The following TCF4 variants were observed in gnomAD, a reference collection of about 807,000 sequenced individuals.
The protein encoded by TCF4 is SL3-3 enhancer factor 2.
A neutral mutation model predicts 82.1 loss-of-function variants in TCF4; 3 were observed. The ratio of observed to expected loss-of-function variants is 0.04; its 90% confidence interval spans 0.02 to 0.09. The LOEUF is 0.09. Among genes scored for constraint, TCF4 ranks in the 10% least tolerant of loss-of-function variants. The probability of loss-of-function intolerance (pLI) is 1.00; values close to 1 mark genes in which losing one functional copy is unlikely to be tolerated. For synonymous variants in TCF4, 276 were observed against 309.6 expected, an observed-to-expected ratio of 0.89 and a Z score of 1.14; for missense variants, 518 against 852.7, an observed-to-expected ratio of 0.61 and a Z score of 4.89.
At chr18:55,358,379 T>C (rs2084143972) in intron 6 of TCF4, among the ~76,000 whole-genome samples, 1 of 152,130 alleles carries the variant, frequency 6.6e-6, no homozygotes, top group Admixed American at 6.5e-5. Flanking sequence ...AGGAGGAGGA[T>C]GGGTGGATGT....
chr18:55,375,423 C>G (rs187208900), intron 6 of TCF4, among the ~76,000 whole-genome samples: 72 of 152,086 alleles, frequency 4.7e-4, no homozygotes, highest in Middle Eastern at 3.4e-3. Flanking sequence ...CTACTAGATG[C>G]CTACAGAAAA....
rs41339445 is a variant in TCF4 at position 55,229,399 on chromosome 18, G to T, written c.1650-323C>A. 42,482 of 389,078 alleles carry T rather than the reference G, an allele frequency of 0.11. 2,546 individuals carry two copies. Among genetic ancestry groups the T allele is most frequent in the South Asian group, 0.13 (5,566 of 43,430 alleles). The allele number at this position is 389,078 out of a possible 1,614,324, so 24.1% of individuals were successfully genotyped here. On this transcript the variant is annotated intron_variant, in intron 17 of 19. Transcript: ENST00000354452. ...AACAAAGCTTTTTTTATTCAATGGG[G>T]TTACACTCTGCAAAGCAGGCATTCA...
At chr18:55,510,910 G>C (rs1317001101) in intron 3 of TCF4, 3 of 427,854 alleles carry the variant, frequency 7.0e-6, no homozygotes, top group Middle Eastern at 9.4e-4. Context: ...GAATCAACAA[G>C]ATCTCTGCCA....
intron 3 of TCF4, among the ~76,000 whole-genome samples, chr18:55,525,122 G>C (rs1213468579): frequency 6.6e-6 from 1 of 150,622 alleles, no homozygotes; most frequent in African/African-American, 2.4e-5. Flanking sequence ...TTCCTATAAA[G>C]CTAGCTTTCT....
At chr18:55,592,627 G>A (rs572734853), upstream of TCF4, among the ~76,000 whole-genome samples, 92 of 152,278 alleles carry the variant, frequency 6.0e-4, no homozygotes, top group African/African-American at 2.1e-3. Flanking sequence ...TGATGGGGGT[G>A]CCACATGACT....
chr18:55,329,105 T>C (rs1323157538), intron 8 of TCF4, among the ~76,000 whole-genome samples: 1 of 152,184 alleles, frequency 6.6e-6, no homozygotes, highest in Non-Finnish European at 1.5e-5. Flanking sequence ...AAAATGCAAG[T>C]GAATGACCAT....
At chr18:55,620,514 A>T (rs974654160) in intron 2 of TCF4, among the ~76,000 whole-genome samples, 4 of 152,078 alleles carry the variant, frequency 2.6e-5, no homozygotes, top group African/African-American at 4.8e-5. Flanking sequence ...GTTTCATTAC[A>T]TGTGTTCCTC....
chr18:55,557,585 G>C (rs2097315801), intron 3 of TCF4, among the ~76,000 whole-genome samples: 1 of 151,980 alleles, frequency 6.6e-6, no homozygotes, highest in African/African-American at 2.4e-5. Context: ...AGAAAAAAAT[G>C]TTCATAGCTG....
At chr18:55,312,215 T>C (rs1165942241) in intron 8 of TCF4, among the ~76,000 whole-genome samples, 1 of 152,250 alleles carries the variant, frequency 6.6e-6, no homozygotes, top group Non-Finnish European at 1.5e-5. Flanking sequence ...ATAGGTAATC[T>C]ATTGAGAGAT....
intron 8 of TCF4, among the ~76,000 whole-genome samples, chr18:55,349,778 T>A (rs1329766151): frequency 6.6e-6 from 1 of 152,124 alleles, no homozygotes; most frequent in Admixed American, 6.6e-5. Context: ...CAGCAACTTC[T>A]GCATAGAGCT....
chr18:55,583,901 G>A (rs1338400391), intron 3 of TCF4, among the ~76,000 whole-genome samples: 1 of 151,970 alleles, frequency 6.6e-6, no homozygotes, highest in Non-Finnish European at 1.5e-5. Flanking sequence ...GAAATTTAAA[G>A]ATATAATACT....
At chr18:55,271,026 T>G (rs1010853758) in intron 10 of TCF4, among the ~76,000 whole-genome samples, 2 of 152,132 alleles carry the variant, frequency 1.3e-5, no homozygotes, top group African/African-American at 4.8e-5. Flanking sequence ...TATTTCAAAA[T>G]AAGAGATTGA....
At chr18:55,347,630 C>G (rs891603005) in intron 8 of TCF4, among the ~76,000 whole-genome samples, 1 of 152,196 alleles carries the variant, frequency 6.6e-6, no homozygotes, top group African/African-American at 2.4e-5. Context: ...CCCTCTCTCT[C>G]CTGATTGCCT....
intron 5 of TCF4, among the ~76,000 whole-genome samples, chr18:55,417,699 A>T (rs1164598854): frequency 6.6e-6 from 1 of 152,198 alleles, no homozygotes; most frequent in African/African-American, 2.4e-5. Flanking sequence ...TGCCTAAAAT[A>T]ATATTTGTCA....
intron 5 of TCF4, among the ~76,000 whole-genome samples, chr18:55,457,863 G>T (rs1248457359): frequency 6.6e-6 from 1 of 152,176 alleles, no homozygotes; most frequent in Non-Finnish European, 1.5e-5. Flanking sequence ...GTTCAGAGTT[G>T]TAATAATGGG....
chr18:55,494,314 G>C (rs79301837), intron 3 of TCF4, among the ~76,000 whole-genome samples: 1 of 150,762 alleles, frequency 6.6e-6, no homozygotes. Flanking sequence ...AAAAAGAAAT[G>C]AAAAACTGTG....
At chr18:55,233,084 T>C (rs939128210) in intron 16 of TCF4, among the ~76,000 whole-genome samples, 3 of 152,228 alleles carry the variant, frequency 2.0e-5, no homozygotes, top group African/African-American at 7.2e-5. Flanking sequence ...ATGCTAAATA[T>C]GTGCAGTCAA....
intron 15 of TCF4, among the ~76,000 whole-genome samples, chr18:55,240,800 C>A (rs2050975382): frequency 6.6e-6 from 1 of 152,176 alleles, no homozygotes; most frequent in Non-Finnish European, 1.5e-5. Flanking sequence ...TGTGATTAAA[C>A]CTTTAAGAGA....
chr18:55,495,711 G>C (rs1318187687), intron 3 of TCF4: 2 of 152,024 alleles, frequency 1.3e-5, no homozygotes, highest in East Asian at 1.9e-4. Flanking sequence ...GACAAAAAAG[G>C]ACAACAAATA....
Sources: gnomAD v4.1 joint callset for allele counts (sites outside exome capture counted in the v4.1 genomes callset) on GRCh38, gnomAD v4.1.1 for gene constraint, MANE v1.5 for transcripts, NCBI Gene and HGNC (gene_info 2026-07-23, HGNC 2026-07-21) for gene names.